MSANTD3: variants seen among roughly 807,000 people sequenced by gnomAD.
MSANTD3 encodes Myb/SANT DNA binding domain containing 3, also known as myb/SANT-like DNA-binding domain-containing protein 3.
In MSANTD3, 11 loss-of-function variants were observed where a neutral mutation model predicts 27.7. The observed-to-expected ratio is 0.40, with a 90% CI of 0.25 to 0.66. The LOEUF (loss-of-function observed/expected upper bound fraction) is 0.66, where lower values mean the gene tolerates loss of function less well. MSANTD3 is among the 30% of genes least tolerant of loss of function. The pLI is 0.41. For missense variants in MSANTD3, 250 were observed against 336.5 expected, an observed-to-expected ratio of 0.74 and a Z score of 2.01; for synonymous variants, 131 against 127.2, an observed-to-expected ratio of 1.03 and a Z score of -0.20.
intron 1 of MSANTD3, 27 bp downstream of exon 1, chr9:100,427,420 C>G (rs899365119): frequency 2.7e-5 from 4 of 148,280 alleles, no homozygotes; most frequent in African/African-American, 9.8e-5. Context: ...CCGGGCGGGC[C>G]GCAGCCGGGC....
chr9:100,448,325 A>T (rs1482042831), intron 2 of MSANTD3: 1 of 985,234 alleles, frequency 1.0e-6, no homozygotes, highest in Non-Finnish European at 1.2e-6. Flanking sequence ...ATCAAAGAGA[A>T]AAGAGACTAG....
Position 100,450,925 on chromosome 9 carries a change from C to G in MSANTD3, c.787C>G (p.Pro263Ala), listed in dbSNP as rs1301250184. 6.2e-7 allele frequency: 1 copy of G among 1,607,896 alleles called. No homozygotes were observed. The highest frequency in any genetic ancestry group is 1.3e-5 in the African/African-American group (1 of 74,692). Residue 263 changes from proline to alanine, a missense_variant, in exon 3 of 3, where the codon CCT becomes GCT. Physicochemically the swap from Pro to Ala is conservative, Grantham distance 27 (BLOSUM62 -1). Transcript: ENST00000395067. Reference sequence around the variant, plus strand: ...ACTACAAACTTTTACCAAGGAATGGCCTGTTTCCTCATTTAACCGGCCCTT... The same window carrying G: ...ACTACAAACTTTTACCAAGGAATGGGCTGTTTCCTCATTTAACCGGCCCTT... ...RKLQTFTKEW[P>A]VSSFNRPFPN...
chr9:100,439,599 C>T (rs945415627), intron 1 of MSANTD3, among the ~76,000 whole-genome samples: 1 of 151,628 alleles, frequency 6.6e-6, no homozygotes, highest in East Asian at 1.9e-4. Flanking sequence ...AAGCTCCGCC[C>T]CCCGGGGTCA....
At chr9:100,427,612 G>C (rs944799129) in intron 1 of MSANTD3, 1 of 152,068 alleles carries the variant, frequency 6.6e-6, no homozygotes, top group Non-Finnish European at 1.5e-5. Flanking sequence ...CCCGGGGCGC[G>C]GGCCTCTGGG....
chr9:100,429,033 A>C (rs2118164298), intron 1 of MSANTD3, among the ~76,000 whole-genome samples: 1 of 152,306 alleles, frequency 6.6e-6, no homozygotes, highest in East Asian at 1.9e-4. Flanking sequence ...TTCAGTTCTC[A>C]GCTACCAAGG....
At chr9:100,440,722 C>G (rs10989095) in intron 1 of MSANTD3, among the ~76,000 whole-genome samples, 7,363 of 147,290 alleles carry the variant, frequency 0.05, 399 homozygotes, top group South Asian at 0.24. Flanking sequence ...TCCCAAGTAG[C>G]TGGGATTACA....
intron 2 of MSANTD3, among the ~76,000 whole-genome samples, chr9:100,446,076 C>T (rs1359848810): frequency 1.3e-5 from 2 of 152,108 alleles, no homozygotes; most frequent in South Asian, 2.1e-4. Context: ...CTAGGAGTGG[C>T]TGGGAGGCTA....
At chr9:100,438,362 T>C (rs1407555771) in intron 1 of MSANTD3, among the ~76,000 whole-genome samples, 1 of 152,218 alleles carries the variant, frequency 6.6e-6, no homozygotes, top group Non-Finnish European at 1.5e-5. Context: ...TTTTTATCTT[T>C]TGGTGGAGAA....
At chr9:100,432,456 T>A (rs1359701319) in intron 1 of MSANTD3, among the ~76,000 whole-genome samples, 1 of 152,210 alleles carries the variant, frequency 6.6e-6, no homozygotes. Context: ...ACTGTAATGA[T>A]GTTTGCAAGA....
chr9:100,433,159 T>G (rs1197599192), intron 1 of MSANTD3, among the ~76,000 whole-genome samples: 1 of 152,180 alleles, frequency 6.6e-6, no homozygotes, highest in Admixed American at 6.5e-5. Context: ...AAGCCTTGAT[T>G]TCAGACTCTT....
At chr9:100,428,037 T>C (rs1020672263) in intron 1 of MSANTD3, among the ~76,000 whole-genome samples, 10 of 152,202 alleles carry the variant, frequency 6.6e-5, no homozygotes, top group Admixed American at 3.3e-4. Flanking sequence ...GCACTCTGTA[T>C]GTACCAGGCC....
At chr9:100,437,789 G>C (rs1262962238) in intron 1 of MSANTD3, among the ~76,000 whole-genome samples, 1 of 152,102 alleles carries the variant, frequency 6.6e-6, no homozygotes, top group Non-Finnish European at 1.5e-5. Context: ...CTTTATATAT[G>C]TAAATTTATA....
At chr9:100,448,999 C>G in intron 2 of MSANTD3, 2 of 985,308 alleles carry the variant, frequency 2.0e-6, no homozygotes, top group East Asian at 1.1e-4. Context: ...TTAGGTTTCC[C>G]CCAGTACCCA....
chr9:100,449,065 T>C (rs2118133709), intron 2 of MSANTD3: 1 of 985,384 alleles, frequency 1.0e-6, no homozygotes, highest in African/African-American at 1.7e-5. Flanking sequence ...AATAATGTAA[T>C]CAACTATGTT....
chr9:100,448,902 AG>A, intron 2 of MSANTD3: 1 of 984,888 alleles, frequency 1.0e-6, no homozygotes. Context: ...AATCGTAATT[AG>A]GGACTAGTTA....
chr9:100,442,412 T>C (rs1836650070), intron 2 of MSANTD3, 56 bp downstream of exon 2: 1 of 1,526,074 alleles, frequency 6.6e-7, no homozygotes, highest in Non-Finnish European at 8.7e-7. Context: ...TTTGACATTT[T>C]AATTTTAAAA....
chr9:100,440,931 CTT>C (rs754540059), intron 1 of MSANTD3, among the ~76,000 whole-genome samples: 13 of 98,330 alleles, frequency 1.3e-4, no homozygotes, highest in Admixed American at 2.2e-4. Flanking sequence ...GGCTGTACAT[CTT>C]TTTTTTTTTT....
rs1587779238 is a variant in MSANTD3, at chr9:100,428,068, A to G, written c.-34+675A>G. The stretch of plus-strand genomic sequence containing the variant: ...AGGCCCTAGGTACTAAACAGTTGGC[A>G]TGAATTATCATTGAATCATCACCCT... On this transcript the variant is annotated intron_variant, in intron 1 of 2. Transcript: ENST00000395067. Among the ~76,000 whole-genome samples, 4 of 152,352 alleles carry G rather than the reference A, an allele frequency of 2.6e-5. No individual in the cohort carries two copies. The South Asian group carries it at 8.3e-4, about 32-fold the overall frequency.
At chr9:100,430,603 C>T (rs1389531804) in intron 1 of MSANTD3, among the ~76,000 whole-genome samples, 1 of 152,134 alleles carries the variant, frequency 6.6e-6, no homozygotes, top group African/African-American at 2.4e-5. Context: ...AGGAAGATCC[C>T]TGTAGTTGTG....
Sources: allele counts gnomAD v4.1 joint callset (sites outside exome capture counted in the v4.1 genomes callset), GRCh38; gene constraint gnomAD v4.1.1; transcripts MANE v1.5; gene names NCBI Gene and HGNC (gene_info 2026-07-23, HGNC 2026-07-21).